The following GRB10 variants were observed in gnomAD, a reference collection of about 807,000 sequenced individuals.
The protein encoded by GRB10 is growth factor receptor-bound protein 10.
GRB10 carries 20 observed loss-of-function variants against 80.9 expected under a neutral mutation model. The observed-to-expected ratio is 0.25, with a 90% confidence interval of 0.17 to 0.36. The LOEUF is 0.36. GRB10 is among the 10% of genes least tolerant of loss of function. The pLI, the probability that GRB10 is intolerant of heterozygous loss-of-function variation, is 1.00. For synonymous variants in GRB10, 291 were observed against 291.5 expected (o/e 1.00, Z 0.02); for missense variants, 548 against 747.7 (o/e 0.73, Z 3.12).
chr7:50,729,008 C>T (rs572767344), intron 4 of GRB10, among the ~76,000 whole-genome samples: 3 of 152,250 alleles, frequency 2.0e-5, no homozygotes, highest in South Asian at 2.1e-4. Flanking sequence ...GATTGCAGTT[C>T]GTCAAGCCCT....
At chr7:50,694,145 G>A (rs1230580483) in intron 5 of GRB10, among the ~76,000 whole-genome samples, 11 of 152,134 alleles carry the variant, frequency 7.2e-5, no homozygotes, top group Admixed American at 1.3e-4. Context: ...CCAACATGGC[G>A]AAACCCCGTT....
At chr7:50,670,598 G>A (rs2060256900) in intron 6 of GRB10, among the ~76,000 whole-genome samples, 1 of 152,072 alleles carries the variant, frequency 6.6e-6, no homozygotes, top group Admixed American at 6.5e-5. Flanking sequence ...TTCAGTGCCT[G>A]ACATGGCATC....
intron 5 of GRB10, among the ~76,000 whole-genome samples, chr7:50,680,653 A>C (rs1315003931): frequency 6.6e-6 from 1 of 152,228 alleles, no homozygotes; most frequent in African/African-American, 2.4e-5. Context: ...TGATGACATA[A>C]AATGGGACAA....
intron 17 of GRB10, among the ~76,000 whole-genome samples, chr7:50,599,967 G>C (rs569673962): frequency 6.6e-6 from 1 of 152,092 alleles, no homozygotes; most frequent in Non-Finnish European, 1.5e-5. Flanking sequence ...AAACATCTTC[G>C]CCTCGGGATG....
intron 10 of GRB10, among the ~76,000 whole-genome samples, chr7:50,617,518 C>T (rs1305376161): frequency 6.6e-6 from 1 of 152,206 alleles, no homozygotes; most frequent in Non-Finnish European, 1.5e-5. Context: ...GTGGCTCCCT[C>T]CACTGGAAGA....
intron 5 of GRB10, among the ~76,000 whole-genome samples, chr7:50,682,183 T>C (rs1379981697): frequency 6.6e-6 from 1 of 152,218 alleles, no homozygotes; most frequent in Non-Finnish European, 1.5e-5. Context: ...GTAGCTCACC[T>C]CAGAACGCCT....
At chr7:50,768,541 C>G (rs948592045) in intron 2 of GRB10, among the ~76,000 whole-genome samples, 2 of 152,208 alleles carry the variant, frequency 1.3e-5, no homozygotes, top group African/African-American at 4.8e-5. Flanking sequence ...TACACACTTA[C>G]CATGTCATCA....
At chr7:50,732,193 A>G (rs2153692521) in intron 4 of GRB10, 79 bp downstream of exon 4, 3 of 1,441,678 alleles carry the variant, frequency 2.1e-6, no homozygotes, top group Non-Finnish European at 2.9e-6. Context: ...GAAACGATCC[A>G]TGGCTGCTGG....
intron 4 of GRB10, among the ~76,000 whole-genome samples, chr7:50,715,855 A>G (rs1053426748): frequency 1.3e-5 from 2 of 152,216 alleles, no homozygotes; most frequent in Non-Finnish European, 2.9e-5. Context: ...ATTTGACAAC[A>G]GGCAGCATGG....
Position 50,662,847 on chromosome 7 carries a change from GA to G in GRB10, c.504+6874del, listed in dbSNP as rs545103722. Among the ~76,000 whole-genome samples, 190 of 152,324 alleles carry G rather than the reference GA, an allele frequency of 1.2e-3. 2 individuals are homozygous for G. Among genetic ancestry groups the G allele is most frequent in the Middle Eastern group, 3.4e-3 (1 of 292 alleles). ...TGGTCTAACATCACCTGATTCATCT[GA>G]AGCCTCTTCCTTGTCCATCTGGAAT... On this transcript the variant is annotated intron_variant, in intron 7 of 18. Coordinates refer to ENST00000401949, the MANE Select transcript of GRB10 (RefSeq NM_001350814.2).
chr7:50,688,790 AG>A (rs989171628), intron 5 of GRB10, among the ~76,000 whole-genome samples: 1 of 129,434 alleles, frequency 7.7e-6, no homozygotes, highest in Non-Finnish European at 1.6e-5. Flanking sequence ...CGGGTGGGTG[AG>A]GGGGGGCAGA....
At chr7:50,670,399 A>T (rs1213993903) in intron 6 of GRB10, among the ~76,000 whole-genome samples, 9 of 152,142 alleles carry the variant, frequency 5.9e-5, no homozygotes, top group Admixed American at 5.9e-4. Context: ...ACCCTGAAAA[A>T]AACAGTTAAT....
intron 8 of GRB10, among the ~76,000 whole-genome samples, chr7:50,621,938 T>C (rs2051837122): frequency 1.3e-5 from 2 of 152,310 alleles, no homozygotes; most frequent in South Asian, 4.1e-4. Flanking sequence ...GCAGCTAAAG[T>C]GTGACTCCTC....
At chr7:50,676,676 C>G (rs146306313) in intron 5 of GRB10, among the ~76,000 whole-genome samples, 36 of 152,236 alleles carry the variant, frequency 2.4e-4, no homozygotes, top group African/African-American at 8.4e-4. Flanking sequence ...TCTCTCAAGG[C>G]TAAAGGGCAT....
chr7:50,621,087 G>A (rs192373193), intron 8 of GRB10, among the ~76,000 whole-genome samples: 7 of 152,346 alleles, frequency 4.6e-5, no homozygotes, highest in South Asian at 4.1e-4. Flanking sequence ...AGAACCCTGA[G>A]GAGAGCCAAA....
chr7:50,626,874 A>G lies in GRB10; in HGVS notation c.609T>C (p.Cys203=), dbSNP rs1216297990. 1.9e-6 allele frequency: 3 copies of G among 1,614,010 alleles called. No homozygotes were observed. The highest frequency in any genetic ancestry group is 2.5e-6 in the Non-Finnish European group (3 of 1,180,026). ...CTAGTGTCCAGCTGTTGTCATCCAC[A>G]CAGTGACTTTTGTAAACCAGCAATT... is the stretch of plus-strand genomic sequence containing the variant. ...LCQLLVYKSH[C]VDDNSWTLVE... Residue 203 remains cysteine, a synonymous_variant, in exon 8 of 19, where the codon TGT becomes TGC. Transcript: ENST00000401949.
chr7:50,631,187 G>C (rs1312044663), intron 7 of GRB10, among the ~76,000 whole-genome samples: 1 of 152,128 alleles, frequency 6.6e-6, no homozygotes, highest in Non-Finnish European at 1.5e-5. Flanking sequence ...TAACTTACAG[G>C]CTCAGGGAAT....
chr7:50,699,434 T>C (rs2063859627), intron 5 of GRB10, among the ~76,000 whole-genome samples: 1 of 152,250 alleles, frequency 6.6e-6, no homozygotes, highest in East Asian at 1.9e-4. Context: ...CAGTACTAGT[T>C]GAGTACAAAT....
chr7:50,632,290 A>G lies in GRB10; in HGVS notation c.505-5312T>C, dbSNP rs75051045. 2.0e-5 allele frequency among the ~76,000 whole-genome samples: 3 copies of G among 151,916 alleles called. No homozygotes were observed. In the East Asian group the frequency reaches 5.8e-4, roughly 29 times the overall value. On this transcript the variant is annotated intron_variant, in intron 7 of 18. Coordinates refer to ENST00000401949, the MANE Select transcript of GRB10 (RefSeq NM_001350814.2). ...CAATTATAGTGACTCAAACCTACTT[A>G]AAAAAAATGTGCTTAATAGCCTGCA...
Sources: allele counts gnomAD v4.1 joint callset (sites outside exome capture counted in the v4.1 genomes callset), GRCh38; gene constraint gnomAD v4.1.1; transcripts MANE v1.5; gene names NCBI Gene and HGNC (gene_info 2026-07-23, HGNC 2026-07-21).